RIOX2: variants seen among roughly 807,000 people sequenced by gnomAD.
RIOX2 encodes ribosomal oxygenase 2.
Under a neutral mutation model 51.2 loss-of-function variants are expected in RIOX2, and 43 were observed. The observed-to-expected ratio is 0.84, with a 90% CI of 0.66 to 1.08. The LOEUF (loss-of-function observed/expected upper bound fraction) is 1.08, where lower values mean the gene tolerates loss of function less well. Ranked by LOEUF, RIOX2 falls within the 50% of genes least tolerant of loss-of-function variation. The pLI, the probability that RIOX2 is intolerant of heterozygous loss-of-function variation, is 0.00. For synonymous variants in RIOX2, 226 were observed against 218.5 expected (o/e 1.03, Z -0.30); for missense variants, 566 against 561.7 (o/e 1.01, Z -0.08).
In RIOX2 at chr3:97,961,686, T is replaced by C. The variant is rs1335766080; in HGVS notation, c.455A>G (p.Glu152Gly). The C allele has an allele frequency of 6.2e-7, 1 of 1,610,682 alleles. No homozygotes were observed. Among genetic ancestry groups the C allele is most frequent in the African/African-American group, 1.3e-5 (1 of 74,690 alleles). ...RFKDELWRIQ[E>G]KLECYFGSLV... ...GGAGCCAAAGTAACATTCCAGCTTC[T>C]CCTGGATCCTCCAAAGCTCATCCTT... Residue 152 changes from glutamate (E) to glycine (G), a missense_variant, in exon 3 of 10, where the codon GAG (glutamate) becomes GGG (glycine). Transcript: ENST00000394198.
intron 4 of RIOX2, 126 bp from the exon 5 acceptor site, chr3:97,954,621 C>T (rs564343101): frequency 9.3e-6 from 7 of 750,484 alleles, no homozygotes; most frequent in East Asian, 5.5e-5. Flanking sequence ...AACCTCAAGG[C>T]ACAGTCTATA....
intron 6 of RIOX2, among the ~76,000 whole-genome samples, chr3:97,950,257 A>T (rs1705193116): frequency 6.6e-6 from 1 of 152,168 alleles, no homozygotes. Context: ...AGAAATAGAG[A>T]TCCTTGGAAA....
chr3:97,945,653 A>G (rs564407025), intron 9 of RIOX2, 145 bp downstream of exon 9: 8 of 657,396 alleles, frequency 1.2e-5, no homozygotes, highest in South Asian at 9.8e-5. Flanking sequence ...AATCATCCCC[A>G]TGCAGGAGCT....
At chr3:97,945,755 AC>A in intron 9 of RIOX2, 42 bp downstream of exon 9, 1 of 1,419,080 alleles carries the variant, frequency 7.0e-7, no homozygotes, top group Middle Eastern at 1.8e-4. Flanking sequence ...CCCAACCACC[AC>A]CCAAGTCACA....
Position 97,945,222 on chromosome 3 carries a change from A to C in RIOX2, c.1360T>G (p.Leu454Val), listed in dbSNP as rs761211243. Residue 454 changes from leucine to valine, a missense_variant, in exon 10 of 10, where the codon TTA becomes GTA. Coordinates refer to ENST00000394198, the MANE Select transcript of RIOX2 (RefSeq NM_153182.4). ...TTDEEKESLVLSLWTECLIQV... is the reference protein window; with the variant it reads ...TTDEEKESLVVSLWTECLIQV... ...ATTAAACATTCTGTCCAGAGGGATA[A>C]TACCAGGCTTTCCTTTTCCTCATCT... The C allele has an allele frequency of 1.9e-5, 30 of 1,612,564 alleles. No homozygotes were observed. The highest frequency in any genetic ancestry group is 3.3e-5 in the Admixed American group (2 of 59,940).
At chr3:97,949,285 G>A (rs532111409) in intron 7 of RIOX2, among the ~76,000 whole-genome samples, 3 of 151,982 alleles carry the variant, frequency 2.0e-5, no homozygotes, top group South Asian at 2.1e-4. Context: ...ACTTCTCCTC[G>A]CTCTTGCTTC....
At position 97,967,447 on chromosome 3, in the gene RIOX2, G is replaced by T; in HGVS notation, c.147C>A (p.Ile49=). 2 of 1,614,172 alleles carry T rather than the reference G, an allele frequency of 1.2e-6. No individual in the cohort carries two copies. The highest frequency in any genetic ancestry group is 8.5e-7 in the Non-Finnish European group (1 of 1,180,044). ...ATTCCTTGAAAAAAGTCTCTGTCTT[G>T]ATGGGCGAGATTAAACTTTCAAAGA... ...SSLFESLISP[I]KTETFFKEFW... The change falls in exon 2 of 10, where the codon ATC becomes ATA. Residue 49 remains isoleucine, a synonymous_variant. Transcript: ENST00000394198.
chr3:97,966,354 G>A (rs552621599), intron 2 of RIOX2, among the ~76,000 whole-genome samples: 2 of 152,178 alleles, frequency 1.3e-5, no homozygotes, highest in South Asian at 4.2e-4. Flanking sequence ...TTCTGAATGG[G>A]GATAAAAGTT....
Position 97,950,919 on chromosome 3 carries a change from C to A in RIOX2, c.786-31G>T, listed in dbSNP as rs762390471. The stretch of plus-strand genomic sequence containing the variant: ...ATATGCACCAAGGGGGAAAAAAAAA[C>A]CAAAACAGTGAGTGCATACGAAATA... On this transcript the variant is annotated intron_variant, in intron 5 of 9. Coordinates refer to ENST00000394198, the MANE Select transcript of RIOX2 (RefSeq NM_153182.4). The A allele has an allele frequency of 3.3e-5, 48 of 1,456,614 alleles. No individual in the cohort carries two copies. The African/African-American group carries it at 3.9e-4, about 12-fold the overall frequency. 90.2% of individuals were successfully genotyped at this position (1,456,614 alleles called of 1,614,324 possible). A position where few individuals can be genotyped will look rare whatever the true frequency, so the allele number is the denominator to read the frequency against.
At position 97,943,116 on chromosome 3, in the gene RIOX2, GAC is replaced by G; in HGVS notation, c.*2066_*2067del. 1.6e-6 allele frequency: 1 copy of G among 636,706 alleles called. No individual in the cohort carries two copies. The highest frequency in any genetic ancestry group is 2.8e-5 in the East Asian group (1 of 36,142). The allele number at this position is 636,706 out of a possible 1,614,324, so 39.4% of individuals were successfully genotyped here. ...TCCCATTTCAGACTTCTTTGTAAATGACACATTCATCCACCGAAATGGTGAGC... is the reference window on the plus strand; with the variant it reads ...TCCCATTTCAGACTTCTTTGTAAATGACATTCATCCACCGAAATGGTGAGC... On this transcript the variant is annotated 3_prime_UTR_variant, in exon 10 of 10. Coordinates refer to ENST00000394198, the MANE Select transcript of RIOX2 (RefSeq NM_153182.4).
rs1271348056 is a variant in RIOX2, at chr3:97,945,898, A to G, written c.1150-11T>C. 2 of 1,578,578 alleles carry G rather than the reference A, an allele frequency of 1.3e-6. No homozygotes were observed. Among genetic ancestry groups the G allele is most frequent in the Admixed American group, 1.7e-5 (1 of 59,690 alleles). On this transcript the variant is annotated splice_polypyrimidine_tract_variant and intron_variant, in intron 8 of 9. Coordinates refer to ENST00000394198, the MANE Select transcript of RIOX2 (RefSeq NM_153182.4). ...TTCTTGAGCTTCATCCTTTGGGGAA[A>G]AAATAAATGCATTAGGCCATCAACA...
rs2040321214 is a variant in RIOX2, at chr3:97,945,019, C to T, written c.*165G>A. 6 of 488,500 alleles carry T rather than the reference C, an allele frequency of 1.2e-5. No homozygotes were observed. The South Asian group carries it at 2.2e-4, about 18-fold the overall frequency. 30.3% of individuals were successfully genotyped at this position (488,500 alleles called of 1,614,324 possible). ...ATTTGCTGTTCTTTCTTTCATGTGC[C>T]CGTTAGTACATTTGGCCAACTGACC... On this transcript the variant is annotated 3_prime_UTR_variant, in exon 10 of 10. Coordinates refer to ENST00000394198, the MANE Select transcript of RIOX2 (RefSeq NM_153182.4).
Position 97,942,759 on chromosome 3 carries a change from C to G in RIOX2, c.*2425G>C, listed in dbSNP as rs2040259641. ...ATCTGTTTCTTAGAAACATCTCTAGCTTTTTGCCAGGAATTGCCATGGTCC... is the reference window on the plus strand; with the variant it reads ...ATCTGTTTCTTAGAAACATCTCTAGGTTTTTGCCAGGAATTGCCATGGTCC... On this transcript the variant is annotated 3_prime_UTR_variant, in exon 10 of 10. Coordinates refer to ENST00000394198, the MANE Select transcript of RIOX2 (RefSeq NM_153182.4). 1 of 236,120 alleles carries G rather than the reference C, an allele frequency of 4.2e-6. No homozygotes were observed. The highest frequency in any genetic ancestry group is 2.3e-5 in the African/African-American group (1 of 43,758). 14.6% of individuals were successfully genotyped at this position (236,120 alleles called of 1,614,324 possible).
chr3:97,965,783 T>C (rs191262807), intron 2 of RIOX2, among the ~76,000 whole-genome samples: 60 of 152,366 alleles, frequency 3.9e-4, no homozygotes, highest in African/African-American at 1.4e-3. Flanking sequence ...TGCTGGTCTA[T>C]GACCAAAGTA....
At chr3:97,965,331 G>A (rs747616360) in intron 2 of RIOX2, among the ~76,000 whole-genome samples, 84 of 151,804 alleles carry the variant, frequency 5.5e-4, no homozygotes, top group Non-Finnish European at 1.1e-3. Context: ...GGCCAACATG[G>A]CGAAACCCTG....
rs1192669591 is a variant in RIOX2, at chr3:97,943,500, A to G, written c.*1684T>C. On this transcript the variant is annotated 3_prime_UTR_variant, in exon 10 of 10. Transcript: ENST00000394198. ...TGGAAAAGCTCAAAATATTCTTGCC[A>G]TTACTCAGTGTTCCTATAAAGAAAA... 1.8e-6 allele frequency: 1 copy of G among 548,120 alleles called. No individual in the cohort carries two copies. Among genetic ancestry groups the G allele is most frequent in the African/African-American group, 2.0e-5 (1 of 49,812 alleles). 34.0% of individuals were successfully genotyped at this position (548,120 alleles called of 1,614,324 possible).
chr3:97,945,858 G>A lies in RIOX2; in HGVS notation c.1179C>T (p.Ile393=). The A allele has an allele frequency of 1.2e-6, 2 of 1,609,936 alleles. No individual in the cohort carries two copies. Among genetic ancestry groups the A allele is most frequent in the Non-Finnish European group, 1.7e-6 (2 of 1,176,900 alleles). The part of the protein sequence containing the change: ...SDEAQEKMVY[I]YHSLKNSRET... The stretch of plus-strand genomic sequence containing the variant: ...CTCTACTATTCTTTAAGGAATGATA[G>A]ATGTACACCATCTTTTCTTGAGCTT... Residue 393 remains isoleucine, a synonymous_variant, in exon 9 of 10, where the codon ATC becomes ATT. Transcript: ENST00000394198.
chr3:97,949,909 T>G lies in RIOX2; in HGVS notation c.995A>C (p.Lys332Thr), dbSNP rs200318327. Residue 332 changes from lysine (K) to threonine (T), a missense_variant, in exon 7 of 10, where the codon AAG becomes ACG. Transcript: ENST00000394198. Reference sequence around the variant, plus strand: ...GGGGAGTCTGTGCATAATAAAATCCTTCTTCATGTCTGAGGAAAGCAGTTC... The same window carrying G: ...GGGGAGTCTGTGCATAATAAAATCCGTCTTCATGTCTGAGGAAAGCAGTTC... ...TKELLSSDMK[K>T]DFIMHRLPPY... The G allele has an allele frequency of 6.2e-7, 1 of 1,613,894 alleles. No homozygotes were observed. The highest frequency in any genetic ancestry group is 1.7e-5 in the Admixed American group (1 of 59,998).
Position 97,965,187 on chromosome 3 carries a change from C to T in RIOX2, c.432+1975G>A, listed in dbSNP as rs184037576. Among the ~76,000 whole-genome samples, 360 of 144,272 alleles carry T rather than the reference C, an allele frequency of 2.5e-3. 3 individuals carry two copies. The highest frequency in any genetic ancestry group is 0.018 in the South Asian group (81 of 4,570). The allele number at this position is 144,272 out of a possible 152,430, so 94.6% of individuals were successfully genotyped here. ...AGCTCCTATGGCTTATAGGTCTCTC[C>T]AGCACGGGTGGTACAAAGAGATTAA... On this transcript the variant is annotated intron_variant, in intron 2 of 9. Transcript: ENST00000394198.
Sources: gnomAD v4.1 joint callset for allele counts (sites outside exome capture counted in the v4.1 genomes callset) on GRCh38, gnomAD v4.1.1 for gene constraint, MANE v1.5 for transcripts, NCBI Gene and HGNC (gene_info 2026-07-23, HGNC 2026-07-21) for gene names.